Variants in SLC24A2 observed in about 807,000 individuals in gnomAD.
SLC24A2 encodes the protein sodium/potassium/calcium exchanger 2.
In SLC24A2, 36 loss-of-function variants were observed where a neutral mutation model predicts 62.0. That is an observed-to-expected ratio of 0.58 (90% CI 0.44 to 0.77). The LOEUF is 0.77. Ranked by LOEUF, SLC24A2 falls within the 30% of genes least tolerant of loss-of-function variation. The pLI, the probability that SLC24A2 is intolerant of heterozygous loss-of-function variation, is 0.00. For missense variants in SLC24A2, 846 were observed against 817.9 expected (o/e 1.03, Z -0.42); for synonymous variants, 358 against 294.0 (o/e 1.22, Z -2.23).
At chr9:19,903,608 T>C in the SLC24A2 span, among the ~76,000 whole-genome samples, 2 of 152,206 alleles carry the variant, frequency 1.3e-5, no homozygotes, top group Non-Finnish European at 2.9e-5. Context: ...GAGGTAGAGC[T>C]AGCAGGAAGC....
the SLC24A2 span, among the ~76,000 whole-genome samples, chr9:19,838,986 G>A: frequency 3.9e-5 from 6 of 151,944 alleles, no homozygotes; most frequent in Non-Finnish European, 7.4e-5. Flanking sequence ...TTTGCAATCT[G>A]CTCATCTGAC....
the SLC24A2 span, among the ~76,000 whole-genome samples, chr9:20,242,338 G>A: frequency 6.6e-6 from 1 of 152,182 alleles, no homozygotes; most frequent in Non-Finnish European, 1.5e-5. Flanking sequence ...AAAGAGGAAA[G>A]ACTTCCTACT....
At chr9:20,256,532 G>C in the SLC24A2 span, among the ~76,000 whole-genome samples, 2 of 152,048 alleles carry the variant, frequency 1.3e-5, no homozygotes, top group African/African-American at 4.8e-5. Flanking sequence ...TTTCTATGTT[G>C]TGTTTCCTGC....
intron 5 of SLC24A2, among the ~76,000 whole-genome samples, chr9:19,585,302 A>G (rs1836340426): frequency 6.6e-6 from 1 of 152,116 alleles, no homozygotes; most frequent in Non-Finnish European, 1.5e-5. Context: ...TTATTTATTC[A>G]GTTAATTAAA....
chr9:20,253,888 G>A, the SLC24A2 span, among the ~76,000 whole-genome samples: 1 of 152,146 alleles, frequency 6.6e-6, no homozygotes, highest in Non-Finnish European at 1.5e-5. Flanking sequence ...TTACTTCTTA[G>A]AACCACTGGA....
At position 19,539,362 on chromosome 9, in the gene SLC24A2, A is replaced by C. The variant is rs530647637; in HGVS notation, c.1479+10775T>G. On this transcript the variant is annotated intron_variant, in intron 8 of 10. Coordinates refer to ENST00000341998, the MANE Select transcript of SLC24A2 (RefSeq NM_020344.4). ...CATTTAGTGCTATAAATTTCCCTCT[A>C]CACACTGCTTTGAATGTGTCCCAGA... is the stretch of plus-strand genomic sequence containing the variant. Among the ~76,000 whole-genome samples the C allele has an allele frequency of 1.9e-3, 282 of 149,242 alleles. 1 individual carries two copies. The highest frequency in any genetic ancestry group is 3.7e-3 in the Admixed American group (56 of 14,952).
At chr9:19,611,236 A>G (rs1336584654) in intron 4 of SLC24A2, among the ~76,000 whole-genome samples, 1 of 151,870 alleles carries the variant, frequency 6.6e-6, no homozygotes, top group Non-Finnish European at 1.5e-5. Context: ...AGGAGCTGCT[A>G]GGCAGTCAGA....
At position 19,515,954 on chromosome 9, in the gene SLC24A2, C is replaced by A; in HGVS notation, c.*199G>T. The A allele has an allele frequency of 1.5e-6, 1 of 670,522 alleles. No homozygotes were observed. The allele number at this position is 670,522 out of a possible 1,614,324, so 41.5% of individuals were successfully genotyped here. On this transcript the variant is annotated 3_prime_UTR_variant, in exon 11 of 11. Coordinates refer to ENST00000341998, the MANE Select transcript of SLC24A2 (RefSeq NM_020344.4). ...GTTCTCTTTGTCTTTTACATGAAGT[C>A]ATTTCAGTAGGCAGGGTGGAAGCAG... is the stretch of plus-strand genomic sequence containing the variant.
At chr9:19,625,976 C>T (rs567808857) in intron 2 of SLC24A2, among the ~76,000 whole-genome samples, 12 of 151,924 alleles carry the variant, frequency 7.9e-5, no homozygotes, top group South Asian at 6.2e-4. Flanking sequence ...TGTGAGCCAC[C>T]GCGCCCTGCT....
chr9:20,196,601 C>T, the SLC24A2 span, among the ~76,000 whole-genome samples: 71 of 152,292 alleles, frequency 4.7e-4, no homozygotes, highest in African/African-American at 1.7e-3. Context: ...AATATAAACT[C>T]CCCTACAGTT....
At chr9:19,633,611 C>A (rs1186023389) in intron 2 of SLC24A2, among the ~76,000 whole-genome samples, 1 of 152,192 alleles carries the variant, frequency 6.6e-6, no homozygotes, top group African/African-American at 2.4e-5. Flanking sequence ...TCAAGTAATG[C>A]TCCCACCTGG....
intron 8 of SLC24A2, among the ~76,000 whole-genome samples, chr9:19,542,820 C>T (rs566520729): frequency 1.3e-5 from 2 of 152,248 alleles, no homozygotes; most frequent in Admixed American, 6.5e-5. Context: ...TTTTGATGTG[C>T]TGCTGGATTT....
chr9:19,526,351 C>T (rs1469599665), intron 9 of SLC24A2, among the ~76,000 whole-genome samples: 3 of 152,166 alleles, frequency 2.0e-5, no homozygotes, highest in African/African-American at 7.2e-5. Context: ...TTTCATTTCT[C>T]TTAAGCCTAT....
At position 19,515,855 on chromosome 9, in the gene SLC24A2, G is replaced by C; in HGVS notation, c.*298C>G. On this transcript the variant is annotated 3_prime_UTR_variant, in exon 11 of 11. Transcript: ENST00000341998. ...ATAGATATATATAGCCTGTGTCCTT[G>C]TTTGCATCGACTGTACCTCCGACCA... The C allele has an allele frequency of 4.8e-6, 2 of 418,610 alleles. No individual in the cohort carries two copies. The highest frequency in any genetic ancestry group is 9.0e-6 in the Non-Finnish European group (2 of 222,812). The allele number at this position is 418,610 out of a possible 1,614,324, so 25.9% of individuals were successfully genotyped here.
At chr9:19,977,563 T>C in the SLC24A2 span, among the ~76,000 whole-genome samples, 1 of 152,128 alleles carries the variant, frequency 6.6e-6, no homozygotes, top group Non-Finnish European at 1.5e-5. Flanking sequence ...GTCTGGACAC[T>C]CTTCTGAAAT....
At chr9:20,235,401 T>C in the SLC24A2 span, among the ~76,000 whole-genome samples, 1 of 152,214 alleles carries the variant, frequency 6.6e-6, no homozygotes, top group Non-Finnish European at 1.5e-5. Context: ...CCGCTTTGTT[T>C]CCCTAATCAA....
In SLC24A2 at chr9:19,599,196, T is replaced by C. The variant is rs1381499561; in HGVS notation, c.1079-1917A>G. 6.6e-6 allele frequency among the ~76,000 whole-genome samples: 1 copy of C among 152,296 alleles called. No homozygotes were observed. The highest frequency in any genetic ancestry group is 2.4e-5 in the African/African-American group (1 of 41,560). On this transcript the variant is annotated intron_variant, in intron 4 of 10. Coordinates refer to ENST00000341998, the MANE Select transcript of SLC24A2 (RefSeq NM_020344.4). The surrounding 1 kb of genome is among the most constrained non-coding windows in gnomAD (Gnocchi z 4.5). Reference sequence around the variant, plus strand: ...TCAGGTATAAATAAATACATTCATATTGTTTAATTATCATTTTATTTGTAC... The same window carrying C: ...TCAGGTATAAATAAATACATTCATACTGTTTAATTATCATTTTATTTGTAC...
chr9:19,819,849 G>A, the SLC24A2 span, among the ~76,000 whole-genome samples: 14 of 151,486 alleles, frequency 9.2e-5, no homozygotes, highest in African/African-American at 3.2e-4. Flanking sequence ...CAATCCCACT[G>A]CTGGATATCT....
At chr9:19,901,643 T>C in the SLC24A2 span, among the ~76,000 whole-genome samples, 3 of 152,124 alleles carry the variant, frequency 2.0e-5, no homozygotes, top group Admixed American at 6.5e-5. Context: ...CCCATGTTCA[T>C]TGTGTTGGTG....
Sources: allele counts gnomAD v4.1 joint callset (sites outside exome capture counted in the v4.1 genomes callset), GRCh38; gene constraint gnomAD v4.1.1; non-coding constraint Gnocchi (gnomAD v3.1); transcripts MANE v1.5; gene names NCBI Gene and HGNC (gene_info 2026-07-23, HGNC 2026-07-21).